CAPRIN1: variants seen among roughly 807,000 people sequenced by gnomAD.
CAPRIN1 encodes cell cycle associated protein 1.
A neutral mutation model predicts 100.9 loss-of-function variants in CAPRIN1; 29 were observed. That is an observed-to-expected ratio of 0.29 (90% confidence interval 0.21 to 0.39). The LOEUF (loss-of-function observed/expected upper bound fraction) is 0.39. Ranked by LOEUF, CAPRIN1 falls within the 10% of genes least tolerant of loss-of-function variation. The pLI is 1.00. For missense variants in CAPRIN1, 795 were observed against 876.7 expected, an observed-to-expected ratio of 0.91 and a Z score of 1.18; for synonymous variants, 338 against 307.5, an observed-to-expected ratio of 1.10 and a Z score of -1.04.
Position 34,090,161 on chromosome 11 carries a change from TTCTTTAC to T in CAPRIN1, c.1294-16_1294-10del, listed in dbSNP as rs1398172250. ...TTTGTAAGCAGGAAGAAGCTTTTAT[TTCTTTAC>T]TTATGTCTAGGTTCCTTTGGTATCA... On this transcript the variant is annotated splice_polypyrimidine_tract_variant and intron_variant, in intron 12 of 18. Transcript: ENST00000341394. 1 of 1,523,470 alleles carries T rather than the reference TTCTTTAC, an allele frequency of 6.6e-7. No individual in the cohort carries two copies. Among genetic ancestry groups the T allele is most frequent in the East Asian group, 2.3e-5 (1 of 44,352 alleles). 94.4% of individuals were successfully genotyped at this position (1,523,470 alleles called of 1,614,324 possible).
At chr11:34,081,288 C>T (rs1851023076) in intron 7 of CAPRIN1, among the ~76,000 whole-genome samples, 2 of 151,514 alleles carry the variant, frequency 1.3e-5, no homozygotes, top group South Asian at 4.2e-4. Flanking sequence ...GCAACCTCTG[C>T]CTCCCGGGTT....
intron 1 of CAPRIN1, 179 bp from the exon 2 acceptor site, chr11:34,052,242 G>C (rs949744176): frequency 1.3e-5 from 2 of 152,394 alleles, no homozygotes; most frequent in South Asian, 2.5e-4. Flanking sequence ...CCGCTGGCGG[G>C]TCGCGCGCGC....
At chr11:34,069,392 C>T (rs567192335) in intron 2 of CAPRIN1, among the ~76,000 whole-genome samples, 27 of 152,156 alleles carry the variant, frequency 1.8e-4, no homozygotes, top group South Asian at 1.0e-3. Context: ...TTGTTATCTG[C>T]CGACGTTGGC....
chr11:34,082,571 A>G (rs1851054289), intron 7 of CAPRIN1, among the ~76,000 whole-genome samples: 2 of 152,194 alleles, frequency 1.3e-5, no homozygotes, highest in African/African-American at 4.8e-5. Flanking sequence ...TTCTACCCTC[A>G]CAGATGCACA....
At chr11:34,068,951 A>G (rs1481573350) in intron 2 of CAPRIN1, among the ~76,000 whole-genome samples, 2 of 152,192 alleles carry the variant, frequency 1.3e-5, no homozygotes, top group Non-Finnish European at 2.9e-5. Flanking sequence ...ACAATACTAT[A>G]GAAAAATGAA....
rs777781464 is a variant in CAPRIN1, at chr11:34,089,473, T to C, written c.1293+17T>C. On this transcript the variant is annotated intron_variant, in intron 12 of 18. Transcript: ENST00000341394. ...GCGACACAGGTAAGAGTGATAAAACTATTTTCTTCAGGGCCAGGTTAGGTG... is the reference window on the plus strand; with the variant it reads ...GCGACACAGGTAAGAGTGATAAAACCATTTTCTTCAGGGCCAGGTTAGGTG... 6 of 1,530,906 alleles carry C rather than the reference T, an allele frequency of 3.9e-6. No homozygotes were observed. The South Asian group carries it at 5.6e-5, about 14-fold the overall frequency. The allele number at this position is 1,530,906 out of a possible 1,614,324, so 94.8% of individuals were successfully genotyped here.
At chr11:34,073,796 A>G (rs917551093) in intron 4 of CAPRIN1, among the ~76,000 whole-genome samples, 9 of 152,216 alleles carry the variant, frequency 5.9e-5, no homozygotes, top group Non-Finnish European at 1.3e-4. Context: ...AAACAAAAAA[A>G]GTAATTTAAT....
At chr11:34,075,943 C>T (rs1850898776) in intron 4 of CAPRIN1, among the ~76,000 whole-genome samples, 1 of 152,162 alleles carries the variant, frequency 6.6e-6, no homozygotes, top group South Asian at 2.1e-4. Context: ...CATTCATTTC[C>T]TTGCTCCCTT....
rs897971507 is a variant in CAPRIN1, at chr11:34,083,165, T to C, written c.966+124T>C. On this transcript the variant is annotated intron_variant, in intron 9 of 18. Transcript: ENST00000341394. The stretch of plus-strand genomic sequence containing the variant: ...TACATTTATTATAATAACAGACTCA[T>C]TACACCAGACTGTTACTTCCAAAAA... 7.4e-6 allele frequency: 5 copies of C among 672,332 alleles called. No homozygotes were observed. The African/African-American group carries it at 9.0e-5, about 12-fold the overall frequency. 41.6% of individuals were successfully genotyped at this position (672,332 alleles called of 1,614,324 possible).
At chr11:34,093,194 T>A (rs552429841) in intron 15 of CAPRIN1, among the ~76,000 whole-genome samples, 3,747 of 35,596 alleles carry the variant, frequency 0.11, 63 homozygotes, top group Non-Finnish European at 0.12. Context: ...AGATTTTTTT[T>A]TATATATATA....
chr11:34,089,508 T>A, intron 12 of CAPRIN1, 52 bp downstream of exon 12: 1 of 1,062,850 alleles, frequency 9.4e-7, no homozygotes, highest in Non-Finnish European at 1.5e-6. Flanking sequence ...GGCTCGTACC[T>A]ATAATCCTAG....
At chr11:34,071,073 A>G (rs886918108) in intron 2 of CAPRIN1, among the ~76,000 whole-genome samples, 3 of 152,234 alleles carry the variant, frequency 2.0e-5, no homozygotes, top group African/African-American at 7.2e-5. Flanking sequence ...TTAACTTGAT[A>G]AATGTCTGAT....
intron 2 of CAPRIN1, among the ~76,000 whole-genome samples, chr11:34,058,244 C>G (rs1458370244): frequency 6.6e-6 from 1 of 152,042 alleles, no homozygotes; most frequent in Non-Finnish European, 1.5e-5. Context: ...TCAAGTGATT[C>G]TCATGCCTCA....
Position 34,089,391 on chromosome 11 carries a change from G to A in CAPRIN1, c.1232-4G>A. 6.3e-7 allele frequency: 1 copy of A among 1,592,438 alleles called. No individual in the cohort carries two copies. Among genetic ancestry groups the A allele is most frequent in the Non-Finnish European group, 8.6e-7 (1 of 1,165,760 alleles). ...TGACAAAAATGTTTTGGTCACCTTT[G>A]CAGTTCATTCTGAATCTAGACTTGC... On this transcript the variant is annotated splice_polypyrimidine_tract_variant and splice_region_variant and intron_variant, in intron 11 of 18. Transcript: ENST00000341394.
chr11:34,091,844 T>C, intron 14 of CAPRIN1, 62 bp from the exon 15 acceptor site: 1 of 1,467,940 alleles, frequency 6.8e-7, no homozygotes, highest in Non-Finnish European at 9.3e-7. Flanking sequence ...CCATTGAGTT[T>C]GGCCATGTTA....
intron 11 of CAPRIN1, among the ~76,000 whole-genome samples, chr11:34,088,414 G>T (rs1345687011): frequency 1.3e-5 from 2 of 152,100 alleles, no homozygotes; most frequent in Non-Finnish European, 2.9e-5. Flanking sequence ...TAATCTCAGT[G>T]CTTTGGGAGG....
Position 34,052,456 on chromosome 11 carries a change from C to A in CAPRIN1, c.36C>A (p.Ser12Arg). 1 of 1,607,096 alleles carries A rather than the reference C, an allele frequency of 6.2e-7. No homozygotes were observed. The highest frequency in any genetic ancestry group is 8.5e-7 in the Non-Finnish European group (1 of 1,178,710). ...CCACCAGCCACAGCGGGAGCGGCAG[C>A]AAGTCGTCCGGACCGCCACCGCCGT... ...PSATSHSGSG[S>R]KSSGPPPPSG... Residue 12 changes from serine to arginine, a missense_variant, in exon 2 of 19, where the codon AGC (serine) becomes AGA (arginine). Ser to Arg is a moderately radical substitution (Grantham distance 110). Coordinates refer to ENST00000341394, the MANE Select transcript of CAPRIN1 (RefSeq NM_005898.5).
At position 34,052,459 on chromosome 11, in the gene CAPRIN1, G is replaced by A. The variant is rs1850341877; in HGVS notation, c.39G>A (p.Lys13=). The A allele has an allele frequency of 2.5e-6, 4 of 1,607,170 alleles. No homozygotes were observed. Among genetic ancestry groups the A allele is most frequent in the Non-Finnish European group, 3.4e-6 (4 of 1,178,768 alleles). The part of the protein sequence containing the change: ...SATSHSGSGS[K]SSGPPPPSGS... Reference sequence around the variant, plus strand: ...CCAGCCACAGCGGGAGCGGCAGCAAGTCGTCCGGACCGCCACCGCCGTCGG... The same window carrying A: ...CCAGCCACAGCGGGAGCGGCAGCAAATCGTCCGGACCGCCACCGCCGTCGG... Residue 13 remains lysine (K), a synonymous_variant, in exon 2 of 19, where the codon AAG becomes AAA. Transcript: ENST00000341394.
At chr11:34,060,358 T>A (rs1455971835) in intron 2 of CAPRIN1, among the ~76,000 whole-genome samples, 1 of 152,118 alleles carries the variant, frequency 6.6e-6, no homozygotes, top group Non-Finnish European at 1.5e-5. Flanking sequence ...TTTAATTTTT[T>A]AGAGACAGGG....
Sources: gnomAD v4.1 joint callset for allele counts (sites outside exome capture counted in the v4.1 genomes callset) on GRCh38, gnomAD v4.1.1 for gene constraint, MANE v1.5 for transcripts, NCBI Gene and HGNC (gene_info 2026-07-23, HGNC 2026-07-21) for gene names.